Variants in UNC13C observed in about 807,000 individuals in gnomAD.
UNC13C encodes protein unc-13 homolog C.
UNC13C carries 174 observed loss-of-function variants against 245.4 expected under a neutral mutation model. The observed-to-expected ratio is 0.71, with a 90% CI of 0.63 to 0.80. The LOEUF (loss-of-function observed/expected upper bound fraction) is 0.80. Ranked by LOEUF, UNC13C falls within the 30% of genes least tolerant of loss-of-function variation. UNC13C has a pLI of 0.00. For missense variants in UNC13C, 2,829 were observed against 2,602.9 expected, an observed-to-expected ratio of 1.09 and a Z score of -1.89; for synonymous variants, 992 against 895.1, an observed-to-expected ratio of 1.11 and a Z score of -1.93.
At chr15:53,928,835 G>C in the UNC13C span, among the ~76,000 whole-genome samples, 1 of 152,176 alleles carries the variant, frequency 6.6e-6, no homozygotes, top group Non-Finnish European at 1.5e-5. Context: ...GATTATGTCA[G>C]TGGAATAACC....
At chr15:53,928,966 C>G in the UNC13C span, among the ~76,000 whole-genome samples, 1 of 152,152 alleles carries the variant, frequency 6.6e-6, no homozygotes, top group African/African-American at 2.4e-5. Context: ...AGAAAAGGAT[C>G]ATACTTAGTG....
chr15:54,097,937 A>G (rs546183153), intron 2 of UNC13C, among the ~76,000 whole-genome samples: 18 of 152,354 alleles, frequency 1.2e-4, no homozygotes, highest in Admixed American at 5.2e-4. Flanking sequence ...TTGAAGAGAC[A>G]TTTCATGTAT....
the UNC13C span, among the ~76,000 whole-genome samples, chr15:53,922,130 G>A: frequency 6.6e-6 from 1 of 152,102 alleles, no homozygotes; most frequent in African/African-American, 2.4e-5. Flanking sequence ...AATAAGTAGT[G>A]GTATTACTGG....
upstream of UNC13C, among the ~76,000 whole-genome samples, chr15:53,975,605 G>T (rs1184022159): frequency 6.6e-6 from 1 of 152,156 alleles, no homozygotes; most frequent in East Asian, 1.9e-4. Flanking sequence ...TACAGGCCAT[G>T]ACACAATTCT....
chr15:54,213,293 C>G (rs543192147), intron 4 of UNC13C, among the ~76,000 whole-genome samples: 1 of 152,006 alleles, frequency 6.6e-6, no homozygotes, highest in South Asian at 2.1e-4. Flanking sequence ...AATTTCATTA[C>G]TTATTTATTA....
At chr15:53,963,686 G>A in the UNC13C span, among the ~76,000 whole-genome samples, 1 of 152,168 alleles carries the variant, frequency 6.6e-6, no homozygotes, top group Non-Finnish European at 1.5e-5. Flanking sequence ...ATTTGGGAAG[G>A]CTTGTTAAAG....
chr15:54,345,498 T>A (rs1415277312), intron 17 of UNC13C, among the ~76,000 whole-genome samples: 1 of 152,154 alleles, frequency 6.6e-6, no homozygotes, highest in African/African-American at 2.4e-5. Flanking sequence ...TGCAGTGCAA[T>A]AACCTGGAAG....
the UNC13C span, among the ~76,000 whole-genome samples, chr15:53,871,605 G>T: frequency 9.9e-5 from 15 of 152,264 alleles, no homozygotes; most frequent in South Asian, 1.4e-3. Flanking sequence ...TAGGTCTTTA[G>T]TAAATATGTT....
At chr15:53,905,152 C>T in the UNC13C span, among the ~76,000 whole-genome samples, 10 of 151,982 alleles carry the variant, frequency 6.6e-5, no homozygotes, top group Non-Finnish European at 1.3e-4. Flanking sequence ...TATGAAGGTT[C>T]CTAAAAAAAT....
intron 4 of UNC13C, among the ~76,000 whole-genome samples, chr15:54,176,406 C>G (rs1328327715): frequency 6.6e-6 from 1 of 151,962 alleles, no homozygotes. Context: ...GTCTTTATTC[C>G]TCAATCTTTC....
At chr15:54,232,028 G>C (rs533303416) in intron 4 of UNC13C, among the ~76,000 whole-genome samples, 1 of 152,120 alleles carries the variant, frequency 6.6e-6, no homozygotes, top group Non-Finnish European at 1.5e-5. Flanking sequence ...CATTTATGTA[G>C]ACCTTATCTA....
intron 14 of UNC13C, among the ~76,000 whole-genome samples, chr15:54,329,915 A>G (rs572128519): frequency 2.0e-5 from 3 of 152,148 alleles, no homozygotes; most frequent in East Asian, 1.9e-4. Flanking sequence ...ACTAAATAAG[A>G]TTTCCCCCTT....
intron 4 of UNC13C, among the ~76,000 whole-genome samples, chr15:54,161,905 G>A (rs553179347): frequency 2.6e-5 from 4 of 152,024 alleles, no homozygotes; most frequent in Admixed American, 6.5e-5. Context: ...CCGAGATTGC[G>A]CCACTGCACC....
chr15:54,561,767 G>A (rs552633518), intron 29 of UNC13C, among the ~76,000 whole-genome samples: 20 of 152,102 alleles, frequency 1.3e-4, no homozygotes, highest in Admixed American at 2.0e-4. Context: ...TTAAGGAAAT[G>A]CACAAATTAG....
At position 54,053,662 on chromosome 15, in the gene UNC13C, T is replaced by A. The variant is rs1348609498; in HGVS notation, c.2983+37776T>A. Among the ~76,000 whole-genome samples the A allele has an allele frequency of 3.3e-5, 5 of 152,306 alleles. No individual in the cohort carries two copies. In the East Asian group the frequency reaches 9.6e-4, roughly 29 times the overall value. ...AACAATCCAATTATACTCTTTTACT[T>A]ATTTTTAAATGTACAATAAGTTAGT... On this transcript the variant is annotated intron_variant, in intron 2 of 32. Transcript: ENST00000260323.
intron 4 of UNC13C, among the ~76,000 whole-genome samples, chr15:54,151,391 A>G (rs888891286): frequency 7.2e-5 from 11 of 152,150 alleles, no homozygotes; most frequent in Non-Finnish European, 1.5e-4. Flanking sequence ...TACTCATTAT[A>G]TGAAAACTAC....
At chr15:54,051,337 G>A (rs1014182793) in intron 2 of UNC13C, among the ~76,000 whole-genome samples, 3 of 152,090 alleles carry the variant, frequency 2.0e-5, no homozygotes, top group Admixed American at 1.3e-4. Flanking sequence ...AATGATTATA[G>A]AGTGTCTTGA....
chr15:54,452,791 G>T (rs79332266), intron 19 of UNC13C, among the ~76,000 whole-genome samples: 1,884 of 152,326 alleles, frequency 0.012, 31 homozygotes, highest in African/African-American at 0.043. Flanking sequence ...TGGGGAGTGT[G>T]CACTTTGGCC....
chr15:53,966,849 G>A, the UNC13C span, among the ~76,000 whole-genome samples: 1 of 151,814 alleles, frequency 6.6e-6, no homozygotes, highest in African/African-American at 2.4e-5. Context: ...GGGTTCATGG[G>A]TTCATATTAT....
Sources: allele counts gnomAD v4.1 joint callset (sites outside exome capture counted in the v4.1 genomes callset), GRCh38; gene constraint gnomAD v4.1.1; transcripts MANE v1.5; gene names NCBI Gene and HGNC (gene_info 2026-07-23, HGNC 2026-07-21).